Variants in TMEM131L observed in about 807,000 individuals in gnomAD.
TMEM131L encodes the protein transmembrane 131 like.
In TMEM131L, 54 loss-of-function variants were observed where a neutral mutation model predicts 192.2. That is an observed-to-expected ratio of 0.28 (90% confidence interval 0.23 to 0.35). The LOEUF is 0.35. Ranked by LOEUF, TMEM131L falls within the 10% of genes least tolerant of loss-of-function variation. The pLI, the probability that TMEM131L is intolerant of heterozygous loss-of-function variation, is 1.00. For missense variants in TMEM131L, 1,888 were observed against 1,972.9 expected (o/e 0.96, Z 0.82); for synonymous variants, 701 against 704.9 (o/e 0.99, Z 0.09).
chr4:153,501,443 G>A (rs1733603914), intron 3 of TMEM131L, among the ~76,000 whole-genome samples: 1 of 151,978 alleles, frequency 6.6e-6, no homozygotes, highest in African/African-American at 2.4e-5. Flanking sequence ...CTCATGATCC[G>A]CCTGCCTCGG....
intron 17 of TMEM131L, 64 bp from the exon 18 acceptor site, chr4:153,592,411 A>G: frequency 9.2e-7 from 1 of 1,089,316 alleles, no homozygotes; most frequent in East Asian, 2.4e-5. Context: ...CTTTTTGGCC[A>G]GAATATCTCA....
rs139991667 is a variant in TMEM131L at position 153,506,561 on chromosome 4, C to T, written c.239+32673C>T. Among the ~76,000 whole-genome samples, 57 of 152,010 alleles carry T rather than the reference C, an allele frequency of 3.7e-4. No homozygotes were observed. In the East Asian group the frequency reaches 9.7e-3, roughly 26 times the overall value. On this transcript the variant is annotated intron_variant, in intron 3 of 34. Transcript: ENST00000409959. Reference sequence around the variant, plus strand: ...CAAAATGACTGATACTAAGTATTTACGCCGGGTGCGGTGGCTCATGCCTGT... The same window carrying T: ...CAAAATGACTGATACTAAGTATTTATGCCGGGTGCGGTGGCTCATGCCTGT...
At chr4:153,520,921 C>G (rs984288566) in intron 3 of TMEM131L, among the ~76,000 whole-genome samples, 3 of 152,186 alleles carry the variant, frequency 2.0e-5, no homozygotes, top group African/African-American at 7.2e-5. Flanking sequence ...TCTTTGGATC[C>G]TTTACTTCCT....
chr4:153,564,842 T>C (rs1442556261), intron 7 of TMEM131L, among the ~76,000 whole-genome samples: 1 of 152,296 alleles, frequency 6.6e-6, no homozygotes, highest in Non-Finnish European at 1.5e-5. Context: ...AAGTCCAAGC[T>C]CCTTTGCTTG....
At chr4:153,606,716 G>A (rs1732263907) in intron 25 of TMEM131L, among the ~76,000 whole-genome samples, 1 of 152,156 alleles carries the variant, frequency 6.6e-6, no homozygotes, top group African/African-American at 2.4e-5. Flanking sequence ...GTTTTAAATG[G>A]CAACAAATCT....
intron 9 of TMEM131L, 108 bp downstream of exon 9, chr4:153,581,668 T>G: frequency 1.5e-6 from 1 of 673,314 alleles, no homozygotes; most frequent in Non-Finnish European, 2.2e-6. Flanking sequence ...AAATAGCCTT[T>G]GCTTTAATTA....
chr4:153,634,409 C>T (rs1030062436), intron 33 of TMEM131L, 129 bp downstream of exon 33: 80 of 715,392 alleles, frequency 1.1e-4, no homozygotes, highest in Admixed American at 3.9e-4. Flanking sequence ...AGTAGACTGC[C>T]GAATGGCTTC....
chr4:153,509,883 G>A (rs1337797009), intron 3 of TMEM131L, among the ~76,000 whole-genome samples: 2 of 152,162 alleles, frequency 1.3e-5, no homozygotes, highest in African/African-American at 4.8e-5. Context: ...GGAAATCGCT[G>A]CGTCGGGATT....
At chr4:153,594,204 T>G (rs1342377567) in intron 19 of TMEM131L, among the ~76,000 whole-genome samples, 1 of 151,674 alleles carries the variant, frequency 6.6e-6, no homozygotes, top group Non-Finnish European at 1.5e-5. Context: ...CAAATTCTTT[T>G]TTAGGGCAAG....
chr4:153,604,114 A>G lies in TMEM131L; in HGVS notation c.3102A>G (p.Arg1034=). The change falls in exon 25 of 35, where the codon AGA becomes AGG. Residue 1034 remains arginine (R), a synonymous_variant. Coordinates refer to ENST00000409959, the MANE Select transcript of TMEM131L (RefSeq NM_001131007.2). ...TGCGTGAGAACTGGATCAGCCTCAG[A>G]TATGCAAGTGGCATAAATGTCAACC... ...DAMRENWISL[R]YASGINVNLQ... is the part of the protein sequence containing the mutation. The G allele has an allele frequency of 1.9e-6, 3 of 1,614,218 alleles. No individual in the cohort carries two copies. The highest frequency in any genetic ancestry group is 2.5e-6 in the Non-Finnish European group (3 of 1,180,034).
Position 153,634,190 on chromosome 4 carries a change from A to G in TMEM131L, c.4329-2A>G. 6.2e-7 allele frequency: 1 copy of G among 1,613,292 alleles called. No individual in the cohort carries two copies. Among genetic ancestry groups the G allele is most frequent in the Non-Finnish European group, 8.5e-7 (1 of 1,179,330 alleles). On this transcript the variant is annotated splice_acceptor_variant, in intron 32 of 34. Coordinates refer to ENST00000409959, the MANE Select transcript of TMEM131L (RefSeq NM_001131007.2). LOFTEE classifies it high-confidence loss of function. ...GATTAGACCACTTGTTTTTTGTGGC[A>G]GTTTCATTGATTGGAGTGCAACATG...
In TMEM131L at chr4:153,567,608, G is replaced by A. The variant is rs191275887; in HGVS notation, c.660+9240G>A. Among the ~76,000 whole-genome samples, 74 of 150,602 alleles carry A rather than the reference G, an allele frequency of 4.9e-4. 1 individual carries two copies. The East Asian group carries it at 0.014, about 28-fold the overall frequency. ...CACCCAGGCTGGAGTGCAATGGCAC[G>A]ATCTCGGCTCACTGCAACCTCCGCC... is the stretch of plus-strand genomic sequence containing the variant. On this transcript the variant is annotated intron_variant, in intron 7 of 34. Transcript: ENST00000409959.
chr4:153,529,932 C>CT (rs1243855817), intron 3 of TMEM131L, among the ~76,000 whole-genome samples: 1 of 152,132 alleles, frequency 6.6e-6, no homozygotes, highest in African/African-American at 2.4e-5. Context: ...CTCACACATG[C>CT]TTTAAGGACC....
chr4:153,572,250 T>C (rs1405502618), intron 7 of TMEM131L, among the ~76,000 whole-genome samples: 1 of 152,230 alleles, frequency 6.6e-6, no homozygotes, highest in Non-Finnish European at 1.5e-5. Context: ...CCTGTAGTGC[T>C]GTAGAACACC....
At position 153,636,292 on chromosome 4, in the gene TMEM131L, A is replaced by G; in HGVS notation, c.4558-9A>G. ...TTAACTTATTTTTCCTTCCTCATTT[A>G]TACTTCAGCCCTACCTCACAAGCAC... On this transcript the variant is annotated splice_polypyrimidine_tract_variant and intron_variant, in intron 34 of 34. Coordinates refer to ENST00000409959, the MANE Select transcript of TMEM131L (RefSeq NM_001131007.2). The G allele has an allele frequency of 6.2e-7, 1 of 1,601,564 alleles. No homozygotes were observed. Among genetic ancestry groups the G allele is most frequent in the Non-Finnish European group, 8.5e-7 (1 of 1,173,294 alleles).
chr4:153,633,117 T>G, intron 32 of TMEM131L: 1 of 285,302 alleles, frequency 3.5e-6, no homozygotes, highest in Non-Finnish European at 6.6e-6. Flanking sequence ...GAGGCAGATT[T>G]GAAAAAAAAA....
rs550507470 is a variant in TMEM131L at position 153,516,433 on chromosome 4, TTA to T, written c.240-33639_240-33638del. Among the ~76,000 whole-genome samples the T allele has an allele frequency of 3.5e-4, 53 of 152,246 alleles. 1 individual carries two copies. Among genetic ancestry groups the T allele is most frequent in the African/African-American group, 1.1e-3 (44 of 41,534 alleles). On this transcript the variant is annotated intron_variant, in intron 3 of 34. Transcript: ENST00000409959. ...TTTTTAGAGACAGGGTTTCGCCATA[TTA>T]CCCAGGCTCGTCTTGAAATCCTGGG...
chr4:153,592,782 G>A (rs1731167015), intron 18 of TMEM131L, among the ~76,000 whole-genome samples, 198 bp downstream of exon 18: 1 of 152,154 alleles, frequency 6.6e-6, no homozygotes, highest in African/African-American at 2.4e-5. Flanking sequence ...TGTGTTATGT[G>A]GCATCTTCAG....
chr4:153,555,787 G>C lies in TMEM131L; in HGVS notation c.309G>C (p.Gln103His). The change falls in exon 5 of 35, where the codon CAG (glutamine) becomes CAC (histidine). Residue 103 changes from glutamine to histidine, a missense_variant and splice_region_variant. Gln to His is a conservative substitution (Grantham distance 24, BLOSUM62 0). Coordinates refer to ENST00000409959, the MANE Select transcript of TMEM131L (RefSeq NM_001131007.2). The surrounding 1 kb of genome is among the most constrained non-coding windows in gnomAD (Gnocchi z 4.1). ...TTTTTCTCTTTGTTTCTCCTCCTAG[G>C]TTCCTGGGACATCCTGTAGCAAAGA... ...FQPSVLDFGI[Q>H]FLGHPVAKIL... The C allele has an allele frequency of 6.4e-7, 1 of 1,550,740 alleles. No individual in the cohort carries two copies. The highest frequency in any genetic ancestry group is 8.7e-7 in the Non-Finnish European group (1 of 1,146,286).
Sources: allele counts gnomAD v4.1 joint callset (sites outside exome capture counted in the v4.1 genomes callset), GRCh38; gene constraint gnomAD v4.1.1; non-coding constraint Gnocchi (gnomAD v3.1); transcripts MANE v1.5; gene names NCBI Gene and HGNC (gene_info 2026-07-23, HGNC 2026-07-21).